Variants in CRISP2 observed in about 807,000 individuals in gnomAD.
The protein encoded by CRISP2 is cysteine-rich secretory protein 2.
Under a neutral mutation model 31.7 loss-of-function variants are expected in CRISP2, and 29 were observed. The ratio of observed to expected loss-of-function variants is 0.92; its 90% CI spans 0.68 to 1.25. The LOEUF (loss-of-function observed/expected upper bound fraction) is 1.25. CRISP2 is among the 50% of genes most tolerant of loss of function. CRISP2 has a pLI of 0.00. For synonymous variants in CRISP2, 111 were observed against 101.4 expected, an observed-to-expected ratio of 1.09 and a Z score of -0.57; for missense variants, 318 against 286.5, an observed-to-expected ratio of 1.11 and a Z score of -0.79.
At chr6:49,696,972 C>T (rs1339016289) in intron 8 of CRISP2, among the ~76,000 whole-genome samples, 1 of 152,124 alleles carries the variant, frequency 6.6e-6, no homozygotes, top group East Asian at 1.9e-4. Context: ...TGGATACATT[C>T]TCCCAGGGCC....
chr6:49,690,885 A>T (rs2127379417), downstream of CRISP2, among the ~76,000 whole-genome samples: 1 of 152,112 alleles, frequency 6.6e-6, no homozygotes, highest in Non-Finnish European at 1.5e-5. Context: ...TGTTCAGTTT[A>T]GTGGGAGAAA....
Position 49,698,513 on chromosome 6 carries a change from G to A in CRISP2, c.272-6C>T, listed in dbSNP as rs776258391. ...ATTCTCACCACATCTTGTACCTAAG[G>A]GGCAGATCATTCATGAGCAAGGTAA... On this transcript the variant is annotated splice_region_variant and splice_polypyrimidine_tract_variant and intron_variant, in intron 6 of 9. Transcript: ENST00000339139. 8 of 1,597,344 alleles carry A rather than the reference G, an allele frequency of 5.0e-6. No individual in the cohort carries two copies. In the Admixed American group the frequency reaches 1.5e-4, roughly 29 times the overall value.
At chr6:49,705,308 G>C (rs1430987929) in intron 4 of CRISP2, among the ~76,000 whole-genome samples, 1 of 152,006 alleles carries the variant, frequency 6.6e-6, no homozygotes, top group East Asian at 1.9e-4. Flanking sequence ...GAAGTGACAG[G>C]CTTCACTAAG....
At chr6:49,678,552 C>T in the CRISP2 span, among the ~76,000 whole-genome samples, 2 of 151,954 alleles carry the variant, frequency 1.3e-5, no homozygotes, top group South Asian at 4.2e-4. Context: ...TAGTTCCCCC[C>T]GACTCCCTGG....
chr6:49,697,797 G>T lies in CRISP2; in HGVS notation c.515+63C>A, dbSNP rs550379471. 39 of 1,603,698 alleles carry T rather than the reference G, an allele frequency of 2.4e-5. No individual in the cohort carries two copies. In the African/African-American group the frequency reaches 2.9e-4, roughly 12 times the overall value. On this transcript the variant is annotated intron_variant, in intron 8 of 9. Coordinates refer to ENST00000339139, the MANE Select transcript of CRISP2 (RefSeq NM_003296.4). ...GTTTTCATTCTGGTTTAAGATATGAGAATTATTAAAAAATAAATTGCAGAT... is the reference window on the plus strand; with the variant it reads ...GTTTTCATTCTGGTTTAAGATATGATAATTATTAAAAAATAAATTGCAGAT...
chr6:49,701,492 G>GTGTGTGTATATA (rs1765677740), intron 4 of CRISP2, among the ~76,000 whole-genome samples: 4 of 40,692 alleles, frequency 9.8e-5, no homozygotes, highest in African/African-American at 7.3e-4. Flanking sequence ...TTACGTGTGT[G>GTGTGTGTATATA]TGTGTGTGTA....
chr6:49,702,155 A>G (rs1211580990), intron 4 of CRISP2, among the ~76,000 whole-genome samples: 4 of 56,554 alleles, frequency 7.1e-5, no homozygotes, highest in African/African-American at 2.9e-4. Context: ...ATATATATAT[A>G]TATATATATA....
downstream of CRISP2, among the ~76,000 whole-genome samples, chr6:49,690,904 T>C (rs1027333295): frequency 6.6e-6 from 1 of 151,826 alleles, no homozygotes; most frequent in African/African-American, 2.4e-5. Context: ...AAAAGTGTTT[T>C]GAGTGTAACT....
chr6:49,694,252 C>T (rs2127386167), intron 9 of CRISP2, among the ~76,000 whole-genome samples: 1 of 152,274 alleles, frequency 6.6e-6, no homozygotes, highest in East Asian at 1.9e-4. Flanking sequence ...ATCTGAAGCC[C>T]ATGGACTCTC....
chr6:49,710,244 C>A (rs1374810817), intron 3 of CRISP2, among the ~76,000 whole-genome samples: 3 of 152,092 alleles, frequency 2.0e-5, no homozygotes, highest in Non-Finnish European at 4.4e-5. Context: ...GAGGGATGAA[C>A]AATTATTGAC....
the CRISP2 span, among the ~76,000 whole-genome samples, chr6:49,676,887 T>C: frequency 6.6e-6 from 1 of 152,280 alleles, no homozygotes; most frequent in South Asian, 2.1e-4. Flanking sequence ...GCAGCTGGCA[T>C]CACTAGTTTT....
chr6:49,678,076 A>T, the CRISP2 span, among the ~76,000 whole-genome samples: 3 of 152,098 alleles, frequency 2.0e-5, no homozygotes, highest in Non-Finnish European at 4.4e-5. Context: ...CTCTGAGATA[A>T]CATACTTGCA....
At chr6:49,683,159 A>AAAATAAATAAAT in the CRISP2 span, among the ~76,000 whole-genome samples, 4,869 of 141,570 alleles carry the variant, frequency 0.034, 109 homozygotes, top group East Asian at 0.053. Context: ...ACTCCATCTC[A>AAAATAAATAAAT]AAATAAATAA....
intron 4 of CRISP2, among the ~76,000 whole-genome samples, chr6:49,700,985 T>C (rs1056431193): frequency 6.6e-6 from 1 of 152,102 alleles, no homozygotes; most frequent in African/African-American, 2.4e-5. Context: ...GAGTTGAAGA[T>C]ATAACTTTTA....
At chr6:49,693,390 T>C (rs772865316) in intron 9 of CRISP2, among the ~76,000 whole-genome samples, 2 of 152,232 alleles carry the variant, frequency 1.3e-5, no homozygotes, top group African/African-American at 2.4e-5. Context: ...AGAGACTCTT[T>C]CCATCATATC....
At chr6:49,708,636 C>A (rs1767473273) in intron 4 of CRISP2, among the ~76,000 whole-genome samples, 1 of 152,044 alleles carries the variant, frequency 6.6e-6, no homozygotes, top group Admixed American at 6.5e-5. Flanking sequence ...GGAGCTCAGC[C>A]CAGGAGATAA....
At chr6:49,712,258 G>GAT (rs1768148072) in intron 2 of CRISP2, among the ~76,000 whole-genome samples, 1 of 152,138 alleles carries the variant, frequency 6.6e-6, no homozygotes, top group Non-Finnish European at 1.5e-5. Context: ...CATCTGATGA[G>GAT]CCAGAATTCT....
Position 49,698,431 on chromosome 6 carries a change from G to A in CRISP2, c.348C>T (p.Asp116=), listed in dbSNP as rs761357755. The A allele has an allele frequency of 8.1e-6, 13 of 1,613,260 alleles. No homozygotes were observed. The highest frequency in any genetic ancestry group is 1.1e-5 in the Non-Finnish European group (13 of 1,179,628). ...CACCATAGACAAAATCTAGGATCTC[G>A]TCATACCAGCTTTGGATTGCAGAAG... ...SWSSAIQSWY[D]EILDFVYGVG... is the part of the protein sequence containing the mutation. Residue 116 remains aspartate, a synonymous_variant, in exon 7 of 10, where the codon GAC becomes GAT. Coordinates refer to ENST00000339139, the MANE Select transcript of CRISP2 (RefSeq NM_003296.4).
At chr6:49,686,961 C>T in the CRISP2 span, among the ~76,000 whole-genome samples, 1 of 151,902 alleles carries the variant, frequency 6.6e-6, no homozygotes, top group Non-Finnish European at 1.5e-5. Context: ...GGACAAAAAA[C>T]CAAACACCGT....
Sources: allele counts gnomAD v4.1 joint callset (sites outside exome capture counted in the v4.1 genomes callset), GRCh38; gene constraint gnomAD v4.1.1; transcripts MANE v1.5; gene names NCBI Gene and HGNC (gene_info 2026-07-23, HGNC 2026-07-21).